The following KCNC2 variants were observed in gnomAD, a reference collection of about 807,000 sequenced individuals.
The protein encoded by KCNC2 is potassium voltage-gated channel subfamily C member 2, also known as voltage-gated potassium channel KCNC2.
KCNC2 carries 21 observed loss-of-function variants against 44.5 expected under a neutral mutation model. The ratio of observed to expected loss-of-function variants is 0.47; its 90% CI spans 0.33 to 0.68. The LOEUF (loss-of-function observed/expected upper bound fraction) is 0.68, where lower values mean the gene tolerates loss of function less well. Ranked by LOEUF, KCNC2 falls within the 30% of genes least tolerant of loss-of-function variation. KCNC2 has a pLI of 0.01. For missense variants in KCNC2, 589 were observed against 826.2 expected (o/e 0.71, Z 3.52); for synonymous variants, 391 against 339.1 (o/e 1.15, Z -1.68).
intron 2 of KCNC2, among the ~76,000 whole-genome samples, chr12:75,076,703 C>T (rs550908501): frequency 1.6e-4 from 24 of 152,220 alleles, no homozygotes; most frequent in Admixed American, 3.9e-4. Context: ...ATTCTTGATA[C>T]GTATTTATTT....
At chr12:75,064,046 C>A (rs1349055652) in intron 2 of KCNC2, among the ~76,000 whole-genome samples, 5 of 151,856 alleles carry the variant, frequency 3.3e-5, no homozygotes, top group Non-Finnish European at 7.4e-5. Context: ...CCATAAATGA[C>A]AAAAATGAGA....
intron 2 of KCNC2, among the ~76,000 whole-genome samples, chr12:75,097,715 G>C (rs1356760689): frequency 3.3e-5 from 5 of 152,086 alleles, no homozygotes; most frequent in Non-Finnish European, 7.4e-5. Context: ...TGATTTTTAA[G>C]AGCAAGGACT....
At chr12:75,118,853 C>T (rs1887854632) in intron 2 of KCNC2, among the ~76,000 whole-genome samples, 1 of 152,158 alleles carries the variant, frequency 6.6e-6, no homozygotes, top group African/African-American at 2.4e-5. Context: ...GACAGAACAT[C>T]TAACCGGACA....
At chr12:75,200,124 T>G (rs995903605) in intron 2 of KCNC2, among the ~76,000 whole-genome samples, 3 of 151,846 alleles carry the variant, frequency 2.0e-5, no homozygotes, top group Non-Finnish European at 3.0e-5. Flanking sequence ...CAATAAGACA[T>G]GGAAGGGATC....
intron 2 of KCNC2, among the ~76,000 whole-genome samples, chr12:75,148,635 G>A (rs1209814752): frequency 6.6e-6 from 1 of 151,638 alleles, no homozygotes; most frequent in East Asian, 1.9e-4. Flanking sequence ...ATATTTTTTA[G>A]GTAAAATAAA....
chr12:75,113,402 T>C (rs1439531853), intron 2 of KCNC2, among the ~76,000 whole-genome samples: 1 of 152,140 alleles, frequency 6.6e-6, no homozygotes, highest in African/African-American at 2.4e-5. Context: ...TTTCTGACCA[T>C]TAGAACTTTA....
At chr12:75,205,889 A>T (rs1280662879) in intron 2 of KCNC2, among the ~76,000 whole-genome samples, 3 of 138,480 alleles carry the variant, frequency 2.2e-5, no homozygotes, top group African/African-American at 8.1e-5. Flanking sequence ...AATTTATGGC[A>T]TGGCCTGAAA....
intron 4 of KCNC2, among the ~76,000 whole-genome samples, 189 bp downstream of exon 4, chr12:75,047,964 A>G (rs1880717212): frequency 6.6e-6 from 1 of 152,138 alleles, no homozygotes; most frequent in African/African-American, 2.4e-5. Context: ...TCTTTCAGAT[A>G]TGACGATCAC....
chr12:75,103,740 A>G lies in KCNC2; in HGVS notation c.688-52423T>C, dbSNP rs982810210. 2.0e-5 allele frequency among the ~76,000 whole-genome samples: 3 copies of G among 152,164 alleles called. No homozygotes were observed. In the East Asian group the frequency reaches 5.8e-4, roughly 29 times the overall value. ...AACTGCAAATAGTACCTAACCCTAT[A>G]TACACTTTTTTCTATACACAACTAT... On this transcript the variant is annotated intron_variant, in intron 2 of 4. Coordinates refer to ENST00000549446, the MANE Select transcript of KCNC2 (RefSeq NM_139137.4).
At chr12:75,163,922 T>G (rs946235639) in intron 2 of KCNC2, among the ~76,000 whole-genome samples, 1 of 151,692 alleles carries the variant, frequency 6.6e-6, no homozygotes, top group East Asian at 1.9e-4. Context: ...CTACTGTTAC[T>G]GTGAAACAAA....
rs1022846979 is a variant in KCNC2 at position 75,132,129 on chromosome 12, G to A, written c.687+75168C>T. Among the ~76,000 whole-genome samples the A allele has an allele frequency of 7.2e-5, 11 of 152,084 alleles. No homozygotes were observed. In the South Asian group the frequency reaches 2.1e-3, roughly 29 times the overall value. ...AAGGTTTTGTAGTTTCACTTGGAAA[G>A]GTGAATTAATAAAAGCAATATACCC... On this transcript the variant is annotated intron_variant, in intron 2 of 4. Transcript: ENST00000549446.
At chr12:75,134,752 A>C (rs1466297357) in intron 2 of KCNC2, among the ~76,000 whole-genome samples, 1 of 151,954 alleles carries the variant, frequency 6.6e-6, no homozygotes, top group East Asian at 1.9e-4. Flanking sequence ...ACTTAGAGTA[A>C]GTATCTTAAA....
At chr12:75,147,508 G>A (rs574071100) in intron 2 of KCNC2, among the ~76,000 whole-genome samples, 20 of 152,242 alleles carry the variant, frequency 1.3e-4, no homozygotes, top group African/African-American at 4.6e-4. Flanking sequence ...GAAGTGATAG[G>A]TTTTAAAAGA....
rs923590869 is a variant in KCNC2 at position 75,050,407 on chromosome 12, A to T, written c.1598T>A (p.Leu533Gln). 9 of 1,610,808 alleles carry T rather than the reference A, an allele frequency of 5.6e-6. No individual in the cohort carries two copies. The African/African-American group carries it at 1.2e-4, about 22-fold the overall frequency. Residue 533 changes from leucine (L) to glutamine (Q), a missense_variant, in exon 3 of 5, where the codon CTG becomes CAG. Physicochemically the swap from Leu to Gln is moderately radical, Grantham distance 113. Around this residue, in one of 7 missense-constraint regions of KCNC2, gnomAD observed 171 missense variants for 182.4 expected, o/e 0.94. Transcript: ENST00000549446. Reference protein sequence around the residue: ...DTCLGKDNRLLEHNRSVLSGD... With the variant: ...DTCLGKDNRLQEHNRSVLSGD... ...TGCCTTACCTGATCTGTTATGTTCC[A>T]GAAGTCGATTGTCTTTGCCCAGACA...
chr12:75,046,770 A>G (rs1238300010), intron 4 of KCNC2, among the ~76,000 whole-genome samples: 2 of 151,938 alleles, frequency 1.3e-5, no homozygotes, highest in Non-Finnish European at 2.9e-5. Flanking sequence ...TTTTGGTGCA[A>G]GAAATAGATG....
chr12:75,062,025 C>CCAAAAATAA (rs1301226545), intron 2 of KCNC2, among the ~76,000 whole-genome samples: 1 of 151,972 alleles, frequency 6.6e-6, no homozygotes, highest in African/African-American at 2.4e-5. Context: ...ATGCTTTCTT[C>CCAAAAATAA]CAAAAATAAC....
At chr12:75,141,079 CTCTCT>C (rs1889619139) in intron 2 of KCNC2, among the ~76,000 whole-genome samples, 1 of 152,148 alleles carries the variant, frequency 6.6e-6, no homozygotes, top group Non-Finnish European at 1.5e-5. Context: ...AAACTGGTTA[CTCTCT>C]TCACACAATT....
chr12:75,041,771 T>A lies in KCNC2; in HGVS notation c.*1334A>T. On this transcript the variant is annotated 3_prime_UTR_variant, in exon 5 of 5. Transcript: ENST00000549446. Reference sequence around the variant, plus strand: ...CTTAAACCCTGCTTATCAAAAAGATTCACAGTGCCGATTAACTTAGGTAGT... The same window carrying A: ...CTTAAACCCTGCTTATCAAAAAGATACACAGTGCCGATTAACTTAGGTAGT... 3 of 991,392 alleles carry A rather than the reference T, an allele frequency of 3.0e-6. No individual in the cohort carries two copies. Among genetic ancestry groups the A allele is most frequent in the Non-Finnish European group, 3.6e-6 (3 of 833,374 alleles). 61.4% of individuals were successfully genotyped at this position (991,392 alleles called of 1,614,324 possible).
chr12:75,069,127 A>ATTTTTTTTTTTTTTTT (rs1231157819), intron 2 of KCNC2, among the ~76,000 whole-genome samples: 2 of 33,898 alleles, frequency 5.9e-5, no homozygotes, highest in Admixed American at 3.8e-4. Context: ...ATTTTATATA[A>ATTTTTTTTTTTTTTTT]TCTTTTTTTT....
Sources: allele counts gnomAD v4.1 joint callset (sites outside exome capture counted in the v4.1 genomes callset), GRCh38; gene constraint gnomAD v4.1.1; regional missense constraint gnomAD v4.1.1; transcripts MANE v1.5; gene names NCBI Gene and HGNC (gene_info 2026-07-23, HGNC 2026-07-21).